Variants in EBF1 observed in about 807,000 individuals in gnomAD.
The protein encoded by EBF1 is transcription factor COE1.
EBF1 carries 10 observed loss-of-function variants against 68.4 expected under a neutral mutation model. The observed-to-expected ratio is 0.15, with a 90% CI of 0.09 to 0.25. The LOEUF (loss-of-function observed/expected upper bound fraction) is 0.25. EBF1 is among the 10% of genes least tolerant of loss of function. The pLI is 1.00. For missense variants in EBF1, 509 were observed against 794.4 expected, an observed-to-expected ratio of 0.64 and a Z score of 4.32; for synonymous variants, 298 against 299.8, an observed-to-expected ratio of 0.99 and a Z score of 0.06.
At chr5:158,779,351 G>A (rs574213648) in intron 9 of EBF1, among the ~76,000 whole-genome samples, 15 of 152,108 alleles carry the variant, frequency 9.9e-5, no homozygotes, top group African/African-American at 3.1e-4. Context: ...AAAAAGTCAC[G>A]GGACAAACAC....
At chr5:159,058,401 C>T (rs1222858593) in intron 6 of EBF1, among the ~76,000 whole-genome samples, 2 of 152,150 alleles carry the variant, frequency 1.3e-5, no homozygotes, top group Non-Finnish European at 2.9e-5. Context: ...CTGGTAGGTC[C>T]AGGGAAGTTC....
intron 6 of EBF1, among the ~76,000 whole-genome samples, chr5:158,976,568 A>C (rs1756806212): frequency 6.6e-6 from 1 of 152,174 alleles, no homozygotes; most frequent in Non-Finnish European, 1.5e-5. Context: ...ATCATATATT[A>C]GCAGCCCTGA....
chr5:158,822,049 C>T (rs115543671), intron 8 of EBF1, among the ~76,000 whole-genome samples: 2,343 of 152,080 alleles, frequency 0.015, 57 homozygotes, highest in African/African-American at 0.054. Flanking sequence ...GAGTTTTCTA[C>T]CTTGTAAATT....
At chr5:158,985,981 AC>A (rs1254700205) in intron 6 of EBF1, 1 of 152,486 alleles carries the variant, frequency 6.6e-6, no homozygotes, top group Non-Finnish European at 1.5e-5. Flanking sequence ...GGCACATACC[AC>A]TTAAGCCCCT....
chr5:158,752,366 A>G (rs1016799544), intron 10 of EBF1, among the ~76,000 whole-genome samples: 1 of 150,780 alleles, frequency 6.6e-6, no homozygotes, highest in Non-Finnish European at 1.5e-5. Flanking sequence ...GGACTTGAAT[A>G]TCTTCAAGGA....
intron 6 of EBF1, among the ~76,000 whole-genome samples, chr5:158,939,421 A>G (rs1208786209): frequency 6.6e-6 from 1 of 152,218 alleles, no homozygotes; most frequent in Non-Finnish European, 1.5e-5. Context: ...CTGGTAGTCA[A>G]CGTGAAGATG....
intron 10 of EBF1, among the ~76,000 whole-genome samples, chr5:158,762,208 T>C (rs1010636598): frequency 3.3e-5 from 5 of 152,220 alleles, no homozygotes; most frequent in Non-Finnish European, 7.3e-5. Context: ...ATGCATCATA[T>C]ATAAATGTAT....
chr5:159,079,901 C>G (rs1045488047), intron 5 of EBF1, among the ~76,000 whole-genome samples: 28 of 152,130 alleles, frequency 1.8e-4, no homozygotes, highest in African/African-American at 6.3e-4. Context: ...AGACATGAGC[C>G]ACCGTACCTG....
intron 6 of EBF1, among the ~76,000 whole-genome samples, chr5:158,976,324 T>C (rs1756738484): frequency 6.6e-6 from 1 of 152,128 alleles, no homozygotes; most frequent in African/African-American, 2.4e-5. Flanking sequence ...GATTTCTTTG[T>C]TGGGTACTTT....
intron 6 of EBF1, among the ~76,000 whole-genome samples, chr5:158,864,474 T>C (rs939583724): frequency 1.3e-4 from 20 of 152,140 alleles, no homozygotes; most frequent in African/African-American, 4.1e-4. Flanking sequence ...AAAGAAGGGA[T>C]CCATTCCGCA....
intron 9 of EBF1, among the ~76,000 whole-genome samples, chr5:158,789,863 C>A (rs1778256285): frequency 6.6e-6 from 1 of 152,086 alleles, no homozygotes; most frequent in East Asian, 1.9e-4. Context: ...TGTTTATTGA[C>A]AATCATTCCT....
chr5:158,805,630 T>C (rs1169168176), intron 8 of EBF1, among the ~76,000 whole-genome samples: 1 of 152,132 alleles, frequency 6.6e-6, no homozygotes, highest in Non-Finnish European at 1.5e-5. Flanking sequence ...TTTTAAAACA[T>C]GTAGAATCTA....
intron 6 of EBF1, among the ~76,000 whole-genome samples, chr5:158,936,249 A>G (rs1200483802): frequency 2.0e-5 from 3 of 152,148 alleles, no homozygotes; most frequent in Admixed American, 6.5e-5. Flanking sequence ...TCAGTTTCCC[A>G]TCTCAGCTGA....
chr5:158,702,896 G>C lies in EBF1; in HGVS notation c.1745-3754C>G, dbSNP rs189694014. ...TTGGTCCTGGGCTGCATGATATCTA[G>C]GGTTGAGAAGAGCCAGCCTGAGCTT... On this transcript the variant is annotated intron_variant, in intron 15 of 15. Coordinates refer to ENST00000313708, the MANE Select transcript of EBF1 (RefSeq NM_024007.5). Among the ~76,000 whole-genome samples the C allele has an allele frequency of 6.8e-4, 104 of 152,136 alleles. 1 individual carries two copies. The highest frequency in any genetic ancestry group is 2.3e-3 in the African/African-American group (97 of 41,500).
chr5:158,749,605 C>G (rs1348615984), intron 10 of EBF1, among the ~76,000 whole-genome samples: 1 of 151,992 alleles, frequency 6.6e-6, no homozygotes, highest in Non-Finnish European at 1.5e-5. Context: ...TAGTATACCT[C>G]CTAGCAATGC....
chr5:158,796,279 T>A, intron 9 of EBF1, 66 bp downstream of exon 9: 1 of 1,474,100 alleles, frequency 6.8e-7, no homozygotes, highest in Non-Finnish European at 9.1e-7. Context: ...CTATTAGAAA[T>A]TCAAGTATAG....
At chr5:158,704,629 CTTTTTTTT>C (rs80210765) in intron 15 of EBF1, among the ~76,000 whole-genome samples, 1 of 141,610 alleles carries the variant, frequency 7.1e-6, no homozygotes, top group African/African-American at 2.7e-5. Flanking sequence ...TCCTTTTTTT[CTTTTTTTT>C]TTTTATGGTA....
chr5:159,025,520 G>A (rs906199079), intron 6 of EBF1, among the ~76,000 whole-genome samples: 1 of 152,154 alleles, frequency 6.6e-6, no homozygotes, highest in South Asian at 2.1e-4. Flanking sequence ...TATCCACACC[G>A]CTTTATTGTT....
At chr5:158,839,966 T>C in intron 7 of EBF1, 63 bp downstream of exon 7, 2 of 1,536,944 alleles carry the variant, frequency 1.3e-6, no homozygotes, top group Admixed American at 3.4e-5. Flanking sequence ...TGCCTAAGAC[T>C]TTTTTATCCT....
Sources: gnomAD v4.1 joint callset for allele counts (sites outside exome capture counted in the v4.1 genomes callset) on GRCh38, gnomAD v4.1.1 for gene constraint, MANE v1.5 for transcripts, NCBI Gene and HGNC (gene_info 2026-07-23, HGNC 2026-07-21) for gene names.